Variants in ABI3BP observed in about 807,000 individuals in gnomAD.
ABI3BP encodes the protein ABI family member 3 binding protein, also known as target of Nesh-SH3.
ABI3BP carries 216 observed loss-of-function variants against 268.6 expected under a neutral mutation model. The observed-to-expected ratio is 0.80, with a 90% CI of 0.72 to 0.90. The LOEUF (loss-of-function observed/expected upper bound fraction) is 0.90. Ranked by LOEUF, ABI3BP falls within the 40% of genes least tolerant of loss-of-function variation. The pLI, the probability that ABI3BP is intolerant of heterozygous loss-of-function variation, is 0.00. For synonymous variants in ABI3BP, 730 were observed against 730.0 expected (o/e 1.00, Z 0.00); for missense variants, 2,090 against 2,182.4 (o/e 0.96, Z 0.84).
At chr3:100,839,742 TAC>T in intron 23 of ABI3BP, 126 bp from the exon 24 acceptor site, 1 of 1,042,924 alleles carries the variant, frequency 9.6e-7, no homozygotes, top group Non-Finnish European at 1.4e-6. Context: ...TTTTCCCTTT[TAC>T]AGTTCCCATT....
chr3:100,791,967 T>A (rs1247756504), intron 55 of ABI3BP, among the ~76,000 whole-genome samples: 1 of 151,836 alleles, frequency 6.6e-6, no homozygotes, highest in Non-Finnish European at 1.5e-5. Flanking sequence ...TGTTTGCTGG[T>A]TTTGGTCTTA....
intron 47 of ABI3BP, among the ~76,000 whole-genome samples, 164 bp from the exon 48 acceptor site, chr3:100,811,441 A>G (rs1054596785): frequency 6.6e-6 from 1 of 152,182 alleles, no homozygotes; most frequent in Non-Finnish European, 1.5e-5. Context: ...ATTCTATAAT[A>G]CTAATCCTCC....
At chr3:100,776,515 G>A (rs1267425488) in intron 59 of ABI3BP, among the ~76,000 whole-genome samples, 2 of 152,182 alleles carry the variant, frequency 1.3e-5, no homozygotes, top group African/African-American at 4.8e-5. Context: ...AGTGGCACAT[G>A]TCACATGGTG....
At position 100,750,094 on chromosome 3, in the gene ABI3BP, T is replaced by TTAAC. The variant is rs1264079661; in HGVS notation, c.*397_*400dup. The TTAAC allele has an allele frequency of 4.2e-6, 1 of 237,202 alleles. No homozygotes were observed. Among genetic ancestry groups the TTAAC allele is most frequent in the African/African-American group, 2.2e-5 (1 of 45,180 alleles). The allele number at this position is 237,202 out of a possible 1,614,324, so 14.7% of individuals were successfully genotyped here. ...TTAAACTAAGTAGAGATTTATGGAA[T>TTAAC]TAACTCATCAATAGGAAGAGTACAC... On this transcript the variant is annotated 3_prime_UTR_variant, in exon 68 of 68. Transcript: ENST00000471714.
At chr3:100,893,457 G>C (rs548054893) in intron 4 of ABI3BP, among the ~76,000 whole-genome samples, 41 of 152,130 alleles carry the variant, frequency 2.7e-4, no homozygotes, top group Non-Finnish European at 5.4e-4. Flanking sequence ...AAAGGGGCAA[G>C]AGGAAAATCT....
chr3:100,911,307 A>G (rs933874870), intron 2 of ABI3BP: 2 of 286,470 alleles, frequency 7.0e-6, no homozygotes, highest in African/African-American at 4.6e-5. Context: ...CAACACACGA[A>G]TGAAGAAATT....
intron 1 of ABI3BP, among the ~76,000 whole-genome samples, chr3:100,944,797 T>C (rs184482030): frequency 1.3e-5 from 2 of 152,294 alleles, no homozygotes; most frequent in Admixed American, 1.3e-4. Flanking sequence ...AAAAGTCTTC[T>C]AAAGACTGCA....
intron 1 of ABI3BP, among the ~76,000 whole-genome samples, chr3:100,943,890 ATATATG>A (rs1170239012): frequency 5.3e-5 from 8 of 152,266 alleles, no homozygotes; most frequent in African/African-American, 1.9e-4. Context: ...AAGTGAAATT[ATATATG>A]TATATTTCTA....
chr3:100,761,606 A>G (rs1258951773), intron 63 of ABI3BP, among the ~76,000 whole-genome samples: 1 of 152,142 alleles, frequency 6.6e-6, no homozygotes, highest in African/African-American at 2.4e-5. Context: ...TTATGTCATG[A>G]AAACAAGCAG....
chr3:100,974,653 C>T (rs1459028160), intron 1 of ABI3BP, among the ~76,000 whole-genome samples: 1 of 152,040 alleles, frequency 6.6e-6, no homozygotes, highest in Non-Finnish European at 1.5e-5. Context: ...AAATGCTTTA[C>T]TTGATTAACA....
intron 49 of ABI3BP, 52 bp downstream of exon 49, chr3:100,810,360 G>C (rs1235952666): frequency 6.2e-6 from 9 of 1,440,810 alleles, no homozygotes; most frequent in Non-Finnish European, 8.5e-6. Flanking sequence ...TGACCATACT[G>C]ACATTCTGCA....
chr3:100,814,343 T>C (rs1449715194), intron 44 of ABI3BP, among the ~76,000 whole-genome samples: 1 of 152,122 alleles, frequency 6.6e-6, no homozygotes, highest in Non-Finnish European at 1.5e-5. Context: ...AAATGTTGAA[T>C]ATCATCTAGG....
At chr3:100,806,044 T>A (rs565941599) in intron 50 of ABI3BP, among the ~76,000 whole-genome samples, 2 of 152,208 alleles carry the variant, frequency 1.3e-5, no homozygotes, top group South Asian at 4.1e-4. Flanking sequence ...CACACTGGGA[T>A]CTAAGAAGTC....
At chr3:100,964,693 G>T (rs1461472595) in intron 1 of ABI3BP, among the ~76,000 whole-genome samples, 1 of 152,184 alleles carries the variant, frequency 6.6e-6, no homozygotes, top group Non-Finnish European at 1.5e-5. Context: ...TAATGCATGG[G>T]TCCTGGCCCA....
intron 10 of ABI3BP, 119 bp from the exon 11 acceptor site, chr3:100,865,026 T>C (rs533649292): frequency 2.6e-6 from 2 of 772,058 alleles, no homozygotes; most frequent in South Asian, 3.3e-5. Flanking sequence ...CCATTTCTTT[T>C]TGTGTTACTA....
At chr3:100,989,744 T>C (rs1011526618) in intron 1 of ABI3BP, among the ~76,000 whole-genome samples, 1 of 152,166 alleles carries the variant, frequency 6.6e-6, no homozygotes, top group African/African-American at 2.4e-5. Flanking sequence ...CACTATAAGA[T>C]TTTGTTGGCT....
intron 14 of ABI3BP, among the ~76,000 whole-genome samples, chr3:100,854,351 TAACAAC>T (rs970607321): frequency 6.6e-6 from 1 of 151,886 alleles, no homozygotes; most frequent in African/African-American, 2.4e-5. Context: ...AGCAACTCCA[TAACAAC>T]AACAACAACA....
At chr3:100,901,889 T>C (rs2050598294) in intron 3 of ABI3BP, among the ~76,000 whole-genome samples, 1 of 152,224 alleles carries the variant, frequency 6.6e-6, no homozygotes, top group African/African-American at 2.4e-5. Flanking sequence ...GTCAGCTATA[T>C]TATTTGATCT....
intron 58 of ABI3BP, among the ~76,000 whole-genome samples, chr3:100,779,353 C>T (rs978805524): frequency 6.6e-6 from 1 of 152,170 alleles, no homozygotes; most frequent in Non-Finnish European, 1.5e-5. Context: ...TGCAAGGCAC[C>T]AGACAAGAGG....
Sources: allele counts gnomAD v4.1 joint callset (sites outside exome capture counted in the v4.1 genomes callset), GRCh38; gene constraint gnomAD v4.1.1; transcripts MANE v1.5; gene names NCBI Gene and HGNC (gene_info 2026-07-23, HGNC 2026-07-21).